Variants in DEPDC1B observed in about 807,000 individuals in gnomAD.
DEPDC1B encodes the protein DEP domain containing 1B, also known as DEP domain-containing protein 1B.
A neutral mutation model predicts 66.5 loss-of-function variants in DEPDC1B; 51 were observed. That is an observed-to-expected ratio of 0.77 (90% CI 0.61 to 0.97). The LOEUF (loss-of-function observed/expected upper bound fraction) is 0.97, where lower values mean the gene tolerates loss of function less well. Among genes scored for constraint, DEPDC1B ranks in the 50% least tolerant of loss-of-function variants. The pLI is 0.00. For synonymous variants in DEPDC1B, 226 were observed against 223.6 expected (o/e 1.01, Z -0.10); for missense variants, 552 against 637.1 (o/e 0.87, Z 1.44).
intron 1 of DEPDC1B, among the ~76,000 whole-genome samples, chr5:60,688,373 C>A (rs1418029725): frequency 6.6e-6 from 1 of 152,142 alleles, no homozygotes; most frequent in African/African-American, 2.4e-5. Flanking sequence ...AGAGCTCAGG[C>A]TCTGAAGTCA....
chr5:60,690,561 A>T (rs2112041473), intron 1 of DEPDC1B, among the ~76,000 whole-genome samples: 1 of 152,372 alleles, frequency 6.6e-6, no homozygotes, highest in Middle Eastern at 3.4e-3. Context: ...GCTCCCTGCC[A>T]GTCCTCCTAA....
Position 60,618,592 on chromosome 5 carries a change from A to C in DEPDC1B, c.899-12736T>G, listed in dbSNP as rs180958401. On this transcript the variant is annotated intron_variant, in intron 7 of 10. Coordinates refer to ENST00000265036, the MANE Select transcript of DEPDC1B (RefSeq NM_018369.3). ...ACTCTCCCAAAACTAAACCAGGAAG[A>C]AGTTGAATCTCTGAATAGACCAATA... 3.5e-4 allele frequency among the ~76,000 whole-genome samples: 53 copies of C among 152,362 alleles called. No individual in the cohort carries two copies. In the East Asian group the frequency reaches 9.8e-3, roughly 28 times the overall value.
rs1254837486 is a variant in DEPDC1B, at chr5:60,694,124, A to T, written c.48+5922T>A. ...TTAAATACAGAAGTATACACAAAAG[A>T]GTTTGCATGTCTTACTCCATACCTA... On this transcript the variant is annotated intron_variant, in intron 1 of 10. Transcript: ENST00000265036. Among the ~76,000 whole-genome samples the T allele has an allele frequency of 2.6e-5, 4 of 152,094 alleles. No homozygotes were observed. The East Asian group carries it at 7.7e-4, about 29-fold the overall frequency.
rs756431781 is a variant in DEPDC1B at position 60,644,786 on chromosome 5, C to CT, written c.667dup (p.Ser223LysfsTer3). On this transcript the variant is annotated frameshift_variant, in exon 5 of 11. Transcript: ENST00000265036. LOFTEE classifies it high-confidence loss of function. ...AATAACAACTCCCTGCTTGCTAACA[C>CT]TATATACATTATGGATGATGAACTT... is the stretch of plus-strand genomic sequence containing the variant. 50 of 1,610,060 alleles carry CT rather than the reference C, an allele frequency of 3.1e-5. No homozygotes were observed. The highest frequency in any genetic ancestry group is 4.2e-5 in the Non-Finnish European group (49 of 1,178,214).
At chr5:60,625,714 G>A (rs1299269531) in intron 7 of DEPDC1B, among the ~76,000 whole-genome samples, 2 of 152,146 alleles carry the variant, frequency 1.3e-5, no homozygotes, top group East Asian at 3.8e-4. Flanking sequence ...CTCCTTCAGG[G>A]ATTCCAATTA....
intron 2 of DEPDC1B, among the ~76,000 whole-genome samples, chr5:60,682,904 A>T (rs1003949389): frequency 6.6e-6 from 1 of 152,236 alleles, no homozygotes; most frequent in Non-Finnish European, 1.5e-5. Flanking sequence ...TATTCCAAAA[A>T]AATGGAAGAG....
chr5:60,600,222 A>G (rs1249795970), intron 9 of DEPDC1B, among the ~76,000 whole-genome samples: 2 of 152,176 alleles, frequency 1.3e-5, no homozygotes, highest in Admixed American at 6.5e-5. Context: ...TACCCATGAG[A>G]ATCAAGTAAA....
intron 1 of DEPDC1B, chr5:60,689,142 G>T (rs191539951): frequency 1.4e-3 from 619 of 434,552 alleles, no homozygotes; most frequent in Non-Finnish European, 2.0e-3. Context: ...CTGGCACATG[G>T]TTGAGAACTA....
chr5:60,669,454 A>G (rs1208693535), intron 2 of DEPDC1B, among the ~76,000 whole-genome samples: 2 of 152,194 alleles, frequency 1.3e-5, no homozygotes, highest in Non-Finnish European at 2.9e-5. Context: ...TGTTTATTAT[A>G]TGGGCTGATC....
intron 1 of DEPDC1B, among the ~76,000 whole-genome samples, chr5:60,695,582 C>G (rs943189473): frequency 6.6e-6 from 1 of 152,270 alleles, no homozygotes; most frequent in Non-Finnish European, 1.5e-5. Flanking sequence ...ACGTCCAAAC[C>G]ATATCAAGAG....
chr5:60,608,241 C>T, intron 7 of DEPDC1B, among the ~76,000 whole-genome samples: 1 of 152,086 alleles, frequency 6.6e-6, no homozygotes, highest in East Asian at 1.9e-4. Flanking sequence ...CCCACAAATC[C>T]CTTCTTTTTC....
chr5:60,656,159 ATTTT>A (rs59421459), intron 2 of DEPDC1B, among the ~76,000 whole-genome samples: 106 of 125,918 alleles, frequency 8.4e-4, no homozygotes, highest in African/African-American at 3.2e-3. Flanking sequence ...GTTTAAGTCC[ATTTT>A]TTTTTTTTTT....
At chr5:60,671,192 A>C (rs1200506194) in intron 2 of DEPDC1B, among the ~76,000 whole-genome samples, 3 of 152,190 alleles carry the variant, frequency 2.0e-5, no homozygotes, top group Non-Finnish European at 2.9e-5. Flanking sequence ...AGAGTCAAGG[A>C]GGGAGAGAAT....
chr5:60,677,493 AG>A (rs1395702671), intron 2 of DEPDC1B, among the ~76,000 whole-genome samples: 8 of 152,096 alleles, frequency 5.3e-5, no homozygotes, highest in Non-Finnish European at 8.8e-5. Context: ...AGAACTAAAA[AG>A]GATCTTAAAG....
intron 1 of DEPDC1B, chr5:60,688,948 TACTA>T (rs1242884456): frequency 2.2e-6 from 1 of 451,336 alleles, no homozygotes; most frequent in Non-Finnish European, 4.4e-6. Context: ...ATCAAGTACA[TACTA>T]ACTCACTGTA....
chr5:60,683,693 A>T (rs1212012485), intron 2 of DEPDC1B, among the ~76,000 whole-genome samples: 1 of 152,178 alleles, frequency 6.6e-6, no homozygotes, highest in Non-Finnish European at 1.5e-5. Context: ...TCCTCTAAGA[A>T]TTAGAACAAG....
intron 2 of DEPDC1B, among the ~76,000 whole-genome samples, chr5:60,671,667 C>T (rs1424474531): frequency 6.6e-6 from 1 of 152,210 alleles, no homozygotes; most frequent in Non-Finnish European, 1.5e-5. Flanking sequence ...TGTTCCCTTC[C>T]CCATTTATCC....
rs931360934 is a variant in DEPDC1B, at chr5:60,647,418, G to A, written c.430C>T (p.Pro144Ser). Reference protein sequence around the residue: ...LPPGTSQENIPVRPVVMNSEM... With the variant: ...LPPGTSQENISVRPVVMNSEM... ...CTTACCATCACAACTGGCCTCACTGGGATGTTCTCTTGTGAAGTGCCTGGT... is the reference window on the plus strand; with the variant it reads ...CTTACCATCACAACTGGCCTCACTGAGATGTTCTCTTGTGAAGTGCCTGGT... Residue 144 changes from proline to serine, a missense_variant, in exon 3 of 11, where the codon CCA becomes TCA. Pro to Ser is a moderately conservative substitution (Grantham distance 74, BLOSUM62 -1). Transcript: ENST00000265036. 1 of 1,609,586 alleles carries A rather than the reference G, an allele frequency of 6.2e-7. No homozygotes were observed. The highest frequency in any genetic ancestry group is 8.5e-7 in the Non-Finnish European group (1 of 1,178,512).
Position 60,603,426 on chromosome 5 carries a change from T to C in DEPDC1B, c.1207A>G (p.Ile403Val). 4 of 1,610,696 alleles carry C rather than the reference T, an allele frequency of 2.5e-6. No individual in the cohort carries two copies. The highest frequency in any genetic ancestry group is 2.2e-5 in the East Asian group (1 of 44,754). Residue 403 changes from isoleucine to valine, a missense_variant, in exon 9 of 11, where the codon ATA becomes GTA. Coordinates refer to ENST00000265036, the MANE Select transcript of DEPDC1B (RefSeq NM_018369.3). ...CGTAGATGAGCCACACGCTCCTCTA[T>C]AGAGGTCTGCAAGGCCAAAGGGACT... The part of the protein sequence containing the change: ...LKVPLALQTS[I>V]EERVAHLRRV...
Sources: gnomAD v4.1 joint callset for allele counts (sites outside exome capture counted in the v4.1 genomes callset) on GRCh38, gnomAD v4.1.1 for gene constraint, MANE v1.5 for transcripts, NCBI Gene and HGNC (gene_info 2026-07-23, HGNC 2026-07-21) for gene names.